Variants in CERT1 observed in about 807,000 individuals in gnomAD.
The protein encoded by CERT1 is ceramide transporter 1.
In CERT1, 31 loss-of-function variants were observed where a neutral mutation model predicts 87.9. The ratio of observed to expected loss-of-function variants is 0.35; its 90% confidence interval spans 0.27 to 0.48. The LOEUF (loss-of-function observed/expected upper bound fraction) is 0.48, where lower values mean the gene tolerates loss of function less well. Among genes scored for constraint, CERT1 ranks in the 20% least tolerant of loss-of-function variants. The pLI is 0.99. For synonymous variants in CERT1, 289 were observed against 250.9 expected (o/e 1.15, Z -1.44); for missense variants, 487 against 758.0 (o/e 0.64, Z 4.20).
At chr5:75,498,259 G>GT (rs1328363689) in intron 2 of CERT1, among the ~76,000 whole-genome samples, 1 of 152,162 alleles carries the variant, frequency 6.6e-6, no homozygotes, top group Non-Finnish European at 1.5e-5. Context: ...AAAGAAGAAC[G>GT]TATTTTCTGG....
At chr5:75,457,891 T>G (rs1580798246) in intron 3 of CERT1, among the ~76,000 whole-genome samples, 1 of 149,998 alleles carries the variant, frequency 6.7e-6, no homozygotes, top group African/African-American at 2.5e-5. Context: ...TTTTCTTGGG[T>G]GTATGGGTAT....
At chr5:75,489,319 T>C (rs1766666252) in intron 2 of CERT1, among the ~76,000 whole-genome samples, 1 of 152,174 alleles carries the variant, frequency 6.6e-6, no homozygotes, top group Non-Finnish European at 1.5e-5. Flanking sequence ...GGCAATATCA[T>C]TGAGGACATA....
intron 2 of CERT1, among the ~76,000 whole-genome samples, chr5:75,463,928 C>A (rs1332191275): frequency 6.6e-6 from 1 of 152,116 alleles, no homozygotes; most frequent in Admixed American, 6.5e-5. Context: ...GTTCTGGCAT[C>A]TCATTGTCCA....
At chr5:75,383,969 TTA>T (rs1761686016) in intron 14 of CERT1, among the ~76,000 whole-genome samples, 1 of 152,152 alleles carries the variant, frequency 6.6e-6, no homozygotes, top group Non-Finnish European at 1.5e-5. Flanking sequence ...CTAACTTAAA[TTA>T]TGTTTCTGTA....
At chr5:75,379,952 C>G (rs1019790468) in intron 16 of CERT1, among the ~76,000 whole-genome samples, 4 of 152,092 alleles carry the variant, frequency 2.6e-5, no homozygotes, top group Non-Finnish European at 5.9e-5. Context: ...AATCAGACAG[C>G]AAATAAGAAA....
At chr5:75,508,976 C>G (rs1006138857) in intron 1 of CERT1, among the ~76,000 whole-genome samples, 1 of 151,294 alleles carries the variant, frequency 6.6e-6, no homozygotes, top group African/African-American at 2.4e-5. Flanking sequence ...TGATCCATCA[C>G]GATACTTGCT....
At chr5:75,448,912 A>G (rs1349007393) in intron 3 of CERT1, among the ~76,000 whole-genome samples, 1 of 152,202 alleles carries the variant, frequency 6.6e-6, no homozygotes, top group Non-Finnish European at 1.5e-5. Flanking sequence ...TTACAGACGA[A>G]AAAAGGATAG....
intron 3 of CERT1, among the ~76,000 whole-genome samples, chr5:75,450,611 C>T (rs1023768396): frequency 4.6e-5 from 7 of 152,118 alleles, no homozygotes; most frequent in African/African-American, 1.2e-4. Flanking sequence ...AAACATTTGC[C>T]TTCTACTGTT....
chr5:75,453,215 C>T (rs1764831692), intron 3 of CERT1, among the ~76,000 whole-genome samples: 1 of 152,092 alleles, frequency 6.6e-6, no homozygotes, highest in South Asian at 2.1e-4. Context: ...CACTGTAATA[C>T]AAACCATGAG....
chr5:75,396,740 A>G, intron 11 of CERT1, among the ~76,000 whole-genome samples: 1 of 142,318 alleles, frequency 7.0e-6, no homozygotes, highest in East Asian at 1.9e-4. Flanking sequence ...AAAAAAAAAA[A>G]AAAAACAAAA....
At chr5:75,444,875 T>C (rs965212869) in intron 3 of CERT1, among the ~76,000 whole-genome samples, 1 of 152,066 alleles carries the variant, frequency 6.6e-6, no homozygotes, top group South Asian at 2.1e-4. Context: ...AATATTTGAA[T>C]TTTTTTCGTA....
chr5:75,509,288 A>G (rs2112482795), intron 1 of CERT1, among the ~76,000 whole-genome samples: 1 of 152,320 alleles, frequency 6.6e-6, no homozygotes, highest in East Asian at 1.9e-4. Flanking sequence ...AATTCAAACT[A>G]TATAATTTAC....
chr5:75,510,627 A>T (rs1767907121), intron 1 of CERT1, among the ~76,000 whole-genome samples: 1 of 152,188 alleles, frequency 6.6e-6, no homozygotes, highest in African/African-American at 2.4e-5. Context: ...CTAACCTAGC[A>T]GAATTCAACA....
intron 3 of CERT1, among the ~76,000 whole-genome samples, chr5:75,437,505 C>T (rs1054422259): frequency 6.6e-6 from 1 of 152,124 alleles, no homozygotes; most frequent in Non-Finnish European, 1.5e-5. Flanking sequence ...ATGGCTCACG[C>T]CTGTAATCCC....
chr5:75,431,059 G>A (rs1386064159), intron 3 of CERT1, among the ~76,000 whole-genome samples: 42 of 152,122 alleles, frequency 2.8e-4, no homozygotes, highest in Admixed American at 2.8e-3. Context: ...AAGACTTACT[G>A]TTTTTCAATT....
chr5:75,504,650 T>C (rs1561310375), intron 2 of CERT1, among the ~76,000 whole-genome samples: 1 of 151,786 alleles, frequency 6.6e-6, no homozygotes, highest in Non-Finnish European at 1.5e-5. Flanking sequence ...TTGAGTGAGT[T>C]AGTAAACTCT....
intron 3 of CERT1, among the ~76,000 whole-genome samples, chr5:75,453,836 GA>G (rs1764859842): frequency 6.6e-6 from 1 of 152,150 alleles, no homozygotes; most frequent in Admixed American, 6.6e-5. Flanking sequence ...GAGAGAGAGA[GA>G]GAGAGAGCAC....
intron 3 of CERT1, among the ~76,000 whole-genome samples, chr5:75,438,961 G>A (rs1403245355): frequency 2.0e-5 from 3 of 150,116 alleles, no homozygotes; most frequent in Non-Finnish European, 4.4e-5. Flanking sequence ...GCCTGAACAT[G>A]TTTTTAAATT....
At chr5:75,395,261 T>C (rs1304384576) in intron 11 of CERT1, among the ~76,000 whole-genome samples, 1 of 152,248 alleles carries the variant, frequency 6.6e-6, no homozygotes, top group Non-Finnish European at 1.5e-5. Context: ...AAATGATCAA[T>C]TTATGAATCT....
Sources: gnomAD v4.1 joint callset for allele counts (sites outside exome capture counted in the v4.1 genomes callset) on GRCh38, gnomAD v4.1.1 for gene constraint, MANE v1.5 for transcripts, NCBI Gene and HGNC (gene_info 2026-07-23, HGNC 2026-07-21) for gene names.